GRAMD1B: variants seen among roughly 807,000 people sequenced by gnomAD.
GRAMD1B encodes the protein protein Aster-B.
A neutral mutation model predicts 99.7 loss-of-function variants in GRAMD1B; 37 were observed. That is an observed-to-expected ratio of 0.37 (90% CI 0.29 to 0.49). The LOEUF (loss-of-function observed/expected upper bound fraction) is 0.49. GRAMD1B is among the 20% of genes least tolerant of loss of function. The pLI is 0.98. For synonymous variants in GRAMD1B, 427 were observed against 387.6 expected (o/e 1.10, Z -1.19); for missense variants, 888 against 1,009.2 (o/e 0.88, Z 1.63).
At chr11:123,619,411 T>A (rs1432774711) in intron 19 of GRAMD1B, 187 bp downstream of exon 19, 2 of 1,438,340 alleles carry the variant, frequency 1.4e-6, no homozygotes, top group East Asian at 5.7e-5. Flanking sequence ...GAAATGCAGG[T>A]GTATTCTAAA....
chr11:123,449,972 C>T (rs1354675141), intron 1 of GRAMD1B, among the ~76,000 whole-genome samples: 4 of 152,084 alleles, frequency 2.6e-5, no homozygotes, highest in African/African-American at 9.7e-5. Context: ...ATCCTTCTGC[C>T]TCAGCCTCCC....
chr11:123,539,705 C>G (rs555384069), intron 2 of GRAMD1B, among the ~76,000 whole-genome samples: 1 of 152,310 alleles, frequency 6.6e-6, no homozygotes, highest in South Asian at 2.1e-4. Context: ...TTGGCTGTCC[C>G]CATCCTGACT....
chr11:123,560,597 G>C, intron 2 of GRAMD1B: 1 of 541,688 alleles, frequency 1.8e-6, no homozygotes, highest in Non-Finnish European at 3.3e-6. Flanking sequence ...ATGCATGAAT[G>C]AATGAGTTCC....
intron 1 of GRAMD1B, among the ~76,000 whole-genome samples, chr11:123,374,898 A>C (rs1237794841): frequency 6.6e-6 from 1 of 152,220 alleles, no homozygotes; most frequent in Non-Finnish European, 1.5e-5. Flanking sequence ...GTTTCAACAA[A>C]GCATGTTCAT....
At chr11:123,363,294 T>C (rs537947521) in intron 1 of GRAMD1B, among the ~76,000 whole-genome samples, 1 of 152,312 alleles carries the variant, frequency 6.6e-6, no homozygotes, top group Admixed American at 6.5e-5. Context: ...GGCGTTTTCA[T>C]GAAGATTTTA....
intron 2 of GRAMD1B, among the ~76,000 whole-genome samples, chr11:123,548,152 A>G (rs1945196840): frequency 6.6e-6 from 1 of 151,558 alleles, no homozygotes; most frequent in African/African-American, 2.4e-5. Flanking sequence ...CACTGCTAGG[A>G]TGTCATAGCT....
At chr11:123,486,410 A>G (rs1357079327) in intron 2 of GRAMD1B, among the ~76,000 whole-genome samples, 2 of 152,112 alleles carry the variant, frequency 1.3e-5, no homozygotes, top group African/African-American at 4.8e-5. Flanking sequence ...TTAGCCGGGC[A>G]TGGTGGCATG....
intron 1 of GRAMD1B, among the ~76,000 whole-genome samples, chr11:123,380,714 TG>T (rs1255036153): frequency 6.6e-6 from 1 of 152,188 alleles, no homozygotes; most frequent in Non-Finnish European, 1.5e-5. Context: ...CTTCCTCCTT[TG>T]GATCTCTTGG....
intron 1 of GRAMD1B, among the ~76,000 whole-genome samples, chr11:123,465,340 C>T (rs758452721): frequency 1.4e-4 from 21 of 152,262 alleles, no homozygotes; most frequent in East Asian, 3.9e-4. Context: ...AGAAACCACA[C>T]GTACATTTTT....
intron 1 of GRAMD1B, among the ~76,000 whole-genome samples, chr11:123,434,379 G>A (rs532767457): frequency 1.3e-5 from 2 of 152,138 alleles, no homozygotes; most frequent in South Asian, 2.1e-4. Context: ...GAATCTATTT[G>A]GATTGTGTGT....
At chr11:123,378,411 A>G (rs1219763832) in intron 1 of GRAMD1B, among the ~76,000 whole-genome samples, 4 of 152,116 alleles carry the variant, frequency 2.6e-5, no homozygotes, top group African/African-American at 9.7e-5. Flanking sequence ...TAACATTCCT[A>G]CTAGTTCTGA....
intron 1 of GRAMD1B, among the ~76,000 whole-genome samples, chr11:123,461,871 G>A (rs1950431311): frequency 6.6e-6 from 1 of 151,258 alleles, no homozygotes; most frequent in Non-Finnish European, 1.5e-5. Flanking sequence ...CTCCCAAAGT[G>A]CTGGGATTAC....
At chr11:123,579,086 G>T (rs1294414133) in intron 3 of GRAMD1B, among the ~76,000 whole-genome samples, 1 of 152,224 alleles carries the variant, frequency 6.6e-6, no homozygotes, top group African/African-American at 2.4e-5. Flanking sequence ...CCCAGAGGGT[G>T]GGGTGCCCAT....
At chr11:123,518,686 C>T (rs1941909217) in intron 2 of GRAMD1B, among the ~76,000 whole-genome samples, 1 of 152,192 alleles carries the variant, frequency 6.6e-6, no homozygotes, top group Non-Finnish European at 1.5e-5. Flanking sequence ...TGGTTTAGCA[C>T]TTCACTGGGC....
rs751195868 is a variant in GRAMD1B at position 123,594,721 on chromosome 11, C to T, written c.770-14C>T. 2.1e-5 allele frequency: 29 copies of T among 1,394,650 alleles called. No individual in the cohort carries two copies. Among genetic ancestry groups the T allele is most frequent in the Non-Finnish European group, 2.7e-5 (26 of 979,494 alleles). The allele number at this position is 1,394,650 out of a possible 1,614,324, so 86.4% of individuals were successfully genotyped here. On this transcript the variant is annotated splice_polypyrimidine_tract_variant and intron_variant, in intron 5 of 19. Transcript: ENST00000635736. The stretch of plus-strand genomic sequence containing the variant: ...TCCTGCCTCTGAGCTCCCCTACCTC[C>T]GCTCCTACCACAGATTACTCATGTG...
chr11:123,429,770 C>G (rs1197439999), upstream of GRAMD1B, among the ~76,000 whole-genome samples: 1 of 152,138 alleles, frequency 6.6e-6, no homozygotes, highest in Non-Finnish European at 1.5e-5. The surrounding 1 kb of genome is among the most constrained non-coding windows in gnomAD (Gnocchi z 4.0). Context: ...GAGAACTGTC[C>G]TCTTCTCAGC....
At chr11:123,378,971 A>G (rs1477371504) in intron 1 of GRAMD1B, among the ~76,000 whole-genome samples, 2 of 151,978 alleles carry the variant, frequency 1.3e-5, no homozygotes, top group Admixed American at 6.6e-5. Context: ...CTTCTTACAT[A>G]CCCCAGTTTT....
Position 123,510,488 on chromosome 11 carries a change from C to G in GRAMD1B, c.452+29595C>G, listed in dbSNP as rs537766386. The stretch of plus-strand genomic sequence containing the variant: ...CAGGGCCCCCCTGCTTGCTGTGGAC[C>G]TCCAGACTCTGACCTCTTACCCAGA... On this transcript the variant is annotated intron_variant, in intron 2 of 19. Coordinates refer to ENST00000635736, the MANE Select transcript of GRAMD1B (RefSeq NM_001387025.1). This position sits in a 1 kb window ranked among gnomAD's most constrained non-coding sequence, Gnocchi z 4.3. Among the ~76,000 whole-genome samples, 1 of 152,266 alleles carries G rather than the reference C, an allele frequency of 6.6e-6. No individual in the cohort carries two copies. Among genetic ancestry groups the G allele is most frequent in the East Asian group, 1.9e-4 (1 of 5,164 alleles).
chr11:123,380,243 T>C (rs565214256), intron 1 of GRAMD1B, among the ~76,000 whole-genome samples: 1 of 152,366 alleles, frequency 6.6e-6, no homozygotes, highest in South Asian at 2.1e-4. Context: ...AAGAAACCAC[T>C]GCCTAATCCA....
Sources: allele counts gnomAD v4.1 joint callset (sites outside exome capture counted in the v4.1 genomes callset), GRCh38; gene constraint gnomAD v4.1.1; non-coding constraint Gnocchi (gnomAD v3.1); transcripts MANE v1.5; gene names NCBI Gene and HGNC (gene_info 2026-07-23, HGNC 2026-07-21).